The following SASH1 variants were observed in gnomAD, a reference collection of about 807,000 sequenced individuals.
SASH1 encodes the protein SAM and SH3 domain containing 1.
SASH1 carries 44 observed loss-of-function variants against 125.2 expected under a neutral mutation model. The ratio of observed to expected loss-of-function variants is 0.35; its 90% confidence interval spans 0.28 to 0.45. The LOEUF is 0.45. SASH1 is among the 20% of genes least tolerant of loss of function. The pLI is 1.00. For synonymous variants in SASH1, 639 were observed against 649.1 expected, an observed-to-expected ratio of 0.98 and a Z score of 0.24; for missense variants, 1,426 against 1,614.5, an observed-to-expected ratio of 0.88 and a Z score of 2.00.
intron 1 of SASH1, among the ~76,000 whole-genome samples, chr6:148,354,332 G>A (rs1001442775): frequency 1.2e-4 from 19 of 152,082 alleles, no homozygotes; most frequent in African/African-American, 4.3e-4. Flanking sequence ...TGTCTAAGTG[G>A]CACAATAATA....
At chr6:148,330,954 T>C (rs371128754) in intron 1 of SASH1, among the ~76,000 whole-genome samples, 1 of 152,270 alleles carries the variant, frequency 6.6e-6, no homozygotes. Context: ...TAAAGATCAT[T>C]TCCCTCAGTG....
chr6:148,471,927 C>G (rs1778137623), intron 6 of SASH1, among the ~76,000 whole-genome samples: 1 of 152,204 alleles, frequency 6.6e-6, no homozygotes, highest in Non-Finnish European at 1.5e-5. Flanking sequence ...TGCTCTTCTG[C>G]AGCGGGACGG....
intron 5 of SASH1, among the ~76,000 whole-genome samples, chr6:148,470,787 TCAC>T (rs1339526508): frequency 6.6e-6 from 1 of 151,904 alleles, no homozygotes; most frequent in East Asian, 2.0e-4. Context: ...TGTAGGTGGG[TCAC>T]CAGGTAGCCT....
the SASH1 span, among the ~76,000 whole-genome samples, chr6:148,196,952 G>A: frequency 1.2e-4 from 19 of 152,312 alleles, no homozygotes; most frequent in African/African-American, 4.6e-4. Flanking sequence ...AAACGCCTCT[G>A]GTGACAGGAT....
At chr6:148,303,400 CAAGAT>C (rs1329691140) in intron 1 of SASH1, among the ~76,000 whole-genome samples, 1 of 152,072 alleles carries the variant, frequency 6.6e-6, no homozygotes, top group Non-Finnish European at 1.5e-5. Context: ...AAATAAGACT[CAAGAT>C]AAAGGAATCA....
chr6:148,402,607 C>T (rs1784213987), intron 2 of SASH1, among the ~76,000 whole-genome samples: 1 of 139,814 alleles, frequency 7.2e-6, no homozygotes, highest in Non-Finnish European at 1.5e-5. Context: ...CTGCGACCGG[C>T]CAAAAATGAC....
At chr6:148,455,499 A>C (rs1257217248) in intron 4 of SASH1, among the ~76,000 whole-genome samples, 1 of 152,088 alleles carries the variant, frequency 6.6e-6, no homozygotes. Context: ...GAAGGACGTG[A>C]AGTCATCTGA....
chr6:148,390,463 G>T (rs1783656184), intron 2 of SASH1, among the ~76,000 whole-genome samples: 1 of 152,166 alleles, frequency 6.6e-6, no homozygotes, highest in South Asian at 2.1e-4. Flanking sequence ...GTTGGCTGGA[G>T]CAATAGGATC....
At chr6:148,196,049 T>C in the SASH1 span, among the ~76,000 whole-genome samples, 2 of 152,212 alleles carry the variant, frequency 1.3e-5, no homozygotes, top group African/African-American at 4.8e-5. Context: ...TCTGGTGATT[T>C]CCTACAGAAT....
chr6:148,399,533 A>G (rs1348980415), intron 2 of SASH1, among the ~76,000 whole-genome samples: 5 of 152,094 alleles, frequency 3.3e-5, no homozygotes, highest in Admixed American at 1.3e-4. Context: ...CTTGCTCCTG[A>G]ACATTTAGAA....
At chr6:148,387,153 C>T (rs1466990081) in intron 1 of SASH1, among the ~76,000 whole-genome samples, 11 of 128,508 alleles carry the variant, frequency 8.6e-5, no homozygotes, top group African/African-American at 2.3e-4. Flanking sequence ...ATTTTGCTCT[C>T]GTTGCCCAGG....
chr6:148,340,584 C>CATTT (rs1364075961), upstream of SASH1, among the ~76,000 whole-genome samples: 1 of 151,946 alleles, frequency 6.6e-6, no homozygotes, highest in African/African-American at 2.4e-5. Context: ...CTTTTCCTAT[C>CATTT]ATTTACTTAT....
At chr6:148,487,082 C>CAT (rs1329715780) in intron 7 of SASH1, among the ~76,000 whole-genome samples, 7 of 92,886 alleles carry the variant, frequency 7.5e-5, no homozygotes, top group South Asian at 3.5e-4. Flanking sequence ...ATATATATAA[C>CAT]ACATATATAT....
intron 2 of SASH1, 104 bp from the exon 3 acceptor site, chr6:148,440,080 C>T (rs1776479306): frequency 5.6e-6 from 6 of 1,078,532 alleles, no homozygotes; most frequent in Non-Finnish European, 5.7e-6. Flanking sequence ...ACTCTATACC[C>T]CAACCTTTCC....
intron 1 of SASH1, among the ~76,000 whole-genome samples, chr6:148,367,448 G>A (rs1014976183): frequency 6.6e-6 from 1 of 152,170 alleles, no homozygotes; most frequent in Non-Finnish European, 1.5e-5. Context: ...TTAGCCAGAG[G>A]CCCTGCGCAG....
At chr6:148,319,181 C>T (rs1045602541) in intron 1 of SASH1, among the ~76,000 whole-genome samples, 18 of 151,606 alleles carry the variant, frequency 1.2e-4, no homozygotes, top group Non-Finnish European at 2.2e-4. Flanking sequence ...CACAGGCGCC[C>T]ACCACCACGT....
At chr6:148,295,638 G>A (rs1305845540) in intron 1 of SASH1, among the ~76,000 whole-genome samples, 1 of 152,238 alleles carries the variant, frequency 6.6e-6, no homozygotes, top group African/African-American at 2.4e-5. Context: ...AGTTATCTCG[G>A]CAGCCTGTGA....
In SASH1 at chr6:148,532,629, T is replaced by C. The variant is rs1293949832; in HGVS notation, c.1565-168T>C. Among the ~76,000 whole-genome samples, 1 of 152,234 alleles carries C rather than the reference T, an allele frequency of 6.6e-6. No individual in the cohort carries two copies. The highest frequency in any genetic ancestry group is 2.1e-4 in the South Asian group (1 of 4,836). On this transcript the variant is annotated intron_variant, in intron 13 of 19. Transcript: ENST00000367467. The surrounding 1 kb of genome is among the most constrained non-coding windows in gnomAD (Gnocchi z 4.7). ...CCACTGAGGAGCTGAGGGATAGCAC[T>C]CGGAGAATTCATAACTGGGCCCTGC...
intron 18 of SASH1, among the ~76,000 whole-genome samples, chr6:148,545,582 A>G (rs2115462273): frequency 6.6e-6 from 1 of 152,374 alleles, no homozygotes; most frequent in East Asian, 1.9e-4. Context: ...CTCTTCAGTA[A>G]CATTAGAGGA....
Sources: gnomAD v4.1 joint callset for allele counts (sites outside exome capture counted in the v4.1 genomes callset) on GRCh38, gnomAD v4.1.1 for gene constraint, Gnocchi (gnomAD v3.1) non-coding constraint, MANE v1.5 for transcripts, NCBI Gene and HGNC (gene_info 2026-07-23, HGNC 2026-07-21) for gene names.